DNAH12: variants seen among roughly 807,000 people sequenced by gnomAD.
DNAH12 encodes dynein axonemal heavy chain 12, also known as axonemal beta dynein heavy chain 12.
A neutral mutation model predicts 371.5 loss-of-function variants in DNAH12; 285 were observed. The ratio of observed to expected loss-of-function variants is 0.77; its 90% CI spans 0.70 to 0.85. The LOEUF (loss-of-function observed/expected upper bound fraction) is 0.85, where lower values mean the gene tolerates loss of function less well. DNAH12 is among the 40% of genes least tolerant of loss of function. The pLI is 0.00. For synonymous variants in DNAH12, 1,200 were observed against 1,213.0 expected (o/e 0.99, Z 0.22); for missense variants, 3,611 against 3,689.4 (o/e 0.98, Z 0.55).
intron 46 of DNAH12, among the ~76,000 whole-genome samples, chr3:57,386,867 C>T (rs1300117499): frequency 5.3e-5 from 8 of 152,218 alleles, no homozygotes; most frequent in African/African-American, 1.9e-4. Context: ...ACAAATATGT[C>T]TAATAAAAGA....
At position 57,465,834 on chromosome 3, in the gene DNAH12, T is replaced by C. The variant is rs192004102; in HGVS notation, c.2349+2902A>G. Among the ~76,000 whole-genome samples, 679 of 152,132 alleles carry C rather than the reference T, an allele frequency of 4.5e-3. 10 individuals carry two copies. The highest frequency in any genetic ancestry group is 2.6e-3 in the Non-Finnish European group (175 of 68,000). On this transcript the variant is annotated intron_variant, in intron 17 of 73. Coordinates refer to ENST00000495027, the MANE Select transcript of DNAH12 (RefSeq NM_001366028.2). ...TTACAGGAAAAGAAATATAAAACAC[T>C]CTTAAATATATGAAATATATGAAAA... is the stretch of plus-strand genomic sequence containing the variant.
intron 4 of DNAH12, among the ~76,000 whole-genome samples, chr3:57,518,295 C>T (rs1196533110): frequency 1.3e-5 from 2 of 152,136 alleles, no homozygotes; most frequent in Admixed American, 6.5e-5. Flanking sequence ...GAAGCTGAAG[C>T]AGGTGGATCA....
chr3:57,542,268 G>A (rs963079102), intron 2 of DNAH12, among the ~76,000 whole-genome samples: 1 of 152,014 alleles, frequency 6.6e-6, no homozygotes, highest in Non-Finnish European at 1.5e-5. Context: ...TCAAATTGTA[G>A]GGGTTCAGTT....
chr3:57,359,706 A>G (rs2153327191), intron 58 of DNAH12, among the ~76,000 whole-genome samples: 1 of 152,296 alleles, frequency 6.6e-6, no homozygotes. Context: ...AAAAAAGACT[A>G]AACTTCAGTC....
intron 5 of DNAH12, 101 bp downstream of exon 5, chr3:57,510,689 A>G (rs111363059): frequency 6.1e-6 from 6 of 984,916 alleles, no homozygotes; most frequent in African/African-American, 5.0e-5. Flanking sequence ...GTTTAAATAC[A>G]TAGTGTTCAT....
intron 30 of DNAH12, among the ~76,000 whole-genome samples, chr3:57,435,384 A>AAAAAAG (rs1170302228): frequency 6.6e-6 from 1 of 151,492 alleles, no homozygotes; most frequent in East Asian, 1.9e-4. Context: ...AAAAAAAAAA[A>AAAAAAG]AAAAAAAAGA....
chr3:57,502,066 C>T (rs536923376), intron 10 of DNAH12, among the ~76,000 whole-genome samples: 5 of 152,226 alleles, frequency 3.3e-5, no homozygotes, highest in Non-Finnish European at 7.4e-5. Context: ...GCCACGACGC[C>T]CGGCTAATTT....
At chr3:57,407,067 T>G (rs1049401338) in intron 40 of DNAH12, among the ~76,000 whole-genome samples, 5 of 151,854 alleles carry the variant, frequency 3.3e-5, no homozygotes, top group Non-Finnish European at 7.4e-5. Context: ...CCCAGCTAAT[T>G]TTTGTATTTT....
chr3:57,449,339 G>A (rs1307882981), intron 25 of DNAH12, among the ~76,000 whole-genome samples: 1 of 152,234 alleles, frequency 6.6e-6, no homozygotes, highest in Non-Finnish European at 1.5e-5. Flanking sequence ...CCCACGCTGT[G>A]CGCTCGCACT....
intron 52 of DNAH12, among the ~76,000 whole-genome samples, chr3:57,378,453 A>G (rs2063325950): frequency 1.3e-5 from 2 of 152,310 alleles, no homozygotes; most frequent in South Asian, 2.1e-4. Flanking sequence ...ACATGTACAT[A>G]TATCATTTAG....
At chr3:57,381,453 A>T (rs1478286573) in intron 50 of DNAH12, among the ~76,000 whole-genome samples, 1 of 152,140 alleles carries the variant, frequency 6.6e-6, no homozygotes, top group African/African-American at 2.4e-5. Flanking sequence ...TTTTTAAGGG[A>T]TGTATCCTGG....
chr3:57,446,138 C>G lies in DNAH12; in HGVS notation c.4072G>C (p.Val1358Leu). 6.4e-7 allele frequency: 1 copy of G among 1,551,636 alleles called. No homozygotes were observed. Among genetic ancestry groups the G allele is most frequent in the Non-Finnish European group, 8.7e-7 (1 of 1,146,982 alleles). ...IQRAIQQKLV[V>L]FVFEGTELKL... ...AGTTCTGTCCCTTCAAAAACAAACACAACCAACTTCTGTTGAATAGCTCTC... is the reference window on the plus strand; with the variant it reads ...AGTTCTGTCCCTTCAAAAACAAACAGAACCAACTTCTGTTGAATAGCTCTC... Residue 1358 changes from valine to leucine, a missense_variant, in exon 27 of 74, where the codon GTG becomes CTG. Physicochemically the swap from Val to Leu is conservative, Grantham distance 32. This residue lies in a region of DNAH12 where 2,266 missense variants were observed against 2,236.9 expected (regional missense o/e 1.01). Coordinates refer to ENST00000495027, the MANE Select transcript of DNAH12 (RefSeq NM_001366028.2).
chr3:57,525,874 G>A (rs2068630333), intron 2 of DNAH12, among the ~76,000 whole-genome samples: 1 of 139,246 alleles, frequency 7.2e-6, no homozygotes, highest in South Asian at 2.3e-4. Flanking sequence ...CAATTCTCCT[G>A]CCTCAGCCTC....
chr3:57,484,977 A>G (rs1031242653), intron 12 of DNAH12, among the ~76,000 whole-genome samples: 3 of 152,340 alleles, frequency 2.0e-5, no homozygotes, highest in African/African-American at 4.8e-5. Context: ...TTAAAACCAC[A>G]ATGAGATACC....
At chr3:57,461,298 T>A (rs2066046871) in intron 19 of DNAH12, among the ~76,000 whole-genome samples, 191 bp downstream of exon 19, 1 of 152,198 alleles carries the variant, frequency 6.6e-6, no homozygotes, top group South Asian at 2.1e-4. Context: ...GTCTCAGATG[T>A]ATATATTTCT....
chr3:57,365,703 G>A (rs998297125), intron 57 of DNAH12, among the ~76,000 whole-genome samples: 3 of 151,834 alleles, frequency 2.0e-5, no homozygotes, highest in Admixed American at 1.3e-4. Context: ...TAACATTGAA[G>A]TGTATTCCTT....
At chr3:57,405,531 A>G (rs1029240945) in intron 41 of DNAH12, 122 bp downstream of exon 41, 2 of 1,160,778 alleles carry the variant, frequency 1.7e-6, no homozygotes, top group Non-Finnish European at 2.4e-6. Flanking sequence ...ACAAACACCT[A>G]TTTACAAGGA....
chr3:57,467,234 T>G (rs1208670772), intron 17 of DNAH12, among the ~76,000 whole-genome samples: 12 of 152,174 alleles, frequency 7.9e-5, no homozygotes, highest in Admixed American at 7.9e-4. Context: ...TTCTCCTCCC[T>G]CAGCCTCCCA....
intron 62 of DNAH12, among the ~76,000 whole-genome samples, chr3:57,331,923 C>T (rs1457035465): frequency 6.6e-6 from 1 of 152,152 alleles, no homozygotes; most frequent in Non-Finnish European, 1.5e-5. Flanking sequence ...GGTGGTATCT[C>T]ATCACCCTGG....
Sources: gnomAD v4.1 joint callset for allele counts (sites outside exome capture counted in the v4.1 genomes callset) on GRCh38, gnomAD v4.1.1 for gene constraint, gnomAD v4.1.1 regional missense constraint, MANE v1.5 for transcripts, NCBI Gene and HGNC (gene_info 2026-07-23, HGNC 2026-07-21) for gene names.